CRPPA: variants seen among roughly 807,000 people sequenced by gnomAD.
CRPPA encodes the protein CDP-L-ribitol pyrophosphorylase A, also known as D-ribitol-5-phosphate cytidylyltransferase.
Under a neutral mutation model 52.0 loss-of-function variants are expected in CRPPA, and 43 were observed. The observed-to-expected ratio is 0.83, with a 90% CI of 0.65 to 1.07. The LOEUF (loss-of-function observed/expected upper bound fraction) is 1.07, where lower values mean the gene tolerates loss of function less well. CRPPA is among the 50% of genes least tolerant of loss of function. The pLI, the probability that CRPPA is intolerant of heterozygous loss-of-function variation, is 0.00. For synonymous variants in CRPPA, 250 were observed against 203.5 expected (o/e 1.23, Z -1.94); for missense variants, 629 against 551.7 (o/e 1.14, Z -1.40).
chr7:16,396,844 G>T (rs115875318), intron 2 of CRPPA, among the ~76,000 whole-genome samples: 3 of 152,218 alleles, frequency 2.0e-5, no homozygotes, highest in Non-Finnish European at 4.4e-5. Flanking sequence ...ATACGTATGT[G>T]ACACGTAATG....
In CRPPA at chr7:16,245,265, A is replaced by G. The variant is rs185725691; in HGVS notation, c.1119+13125T>C. On this transcript the variant is annotated intron_variant, in intron 8 of 9. Coordinates refer to ENST00000407010, the MANE Select transcript of CRPPA (RefSeq NM_001101426.4). The stretch of plus-strand genomic sequence containing the variant: ...GTAGTTTTCCCTCTTACTAATGAGC[A>G]AACTGTGATATATCTAGATTTAAGA... Among the ~76,000 whole-genome samples the G allele has an allele frequency of 4.6e-5, 7 of 152,360 alleles. No individual in the cohort carries two copies. The East Asian group carries it at 1.3e-3, about 29-fold the overall frequency.
chr7:16,286,379 C>A (rs1436249954), intron 5 of CRPPA, among the ~76,000 whole-genome samples: 2 of 151,802 alleles, frequency 1.3e-5, no homozygotes, highest in African/African-American at 4.8e-5. Flanking sequence ...TCCATAAGTT[C>A]ATGAGCCAAA....
intron 3 of CRPPA, among the ~76,000 whole-genome samples, chr7:16,366,447 A>G (rs1205951786): frequency 6.6e-6 from 1 of 152,222 alleles, no homozygotes; most frequent in East Asian, 1.9e-4. Context: ...AAAGCTACAG[A>G]AGATGTGGCT....
chr7:16,319,927 G>A (rs868014842), intron 3 of CRPPA, among the ~76,000 whole-genome samples: 4 of 152,098 alleles, frequency 2.6e-5, no homozygotes, highest in African/African-American at 4.8e-5. Context: ...CCTTCATTCC[G>A]TTCCAGAGGT....
chr7:16,231,909 C>T (rs531242555), intron 8 of CRPPA, among the ~76,000 whole-genome samples: 11 of 152,212 alleles, frequency 7.2e-5, no homozygotes, highest in African/African-American at 2.2e-4. Context: ...TCCTACTGCC[C>T]GCAAGAGAGT....
In CRPPA at chr7:16,376,179, T is replaced by G. The variant is rs1253464080; in HGVS notation, c.597A>C (p.Leu199Phe). Reference protein sequence around the residue: ...TVVSPSADGCLDYSLERARHR... With the variant: ...TVVSPSADGCFDYSLERARHR... ...GTCTGGCACGTTCTAGCGAGTAGTCTAAGCAACCATCAGCAGATGGACTGA... is the reference window on the plus strand; with the variant it reads ...GTCTGGCACGTTCTAGCGAGTAGTCGAAGCAACCATCAGCAGATGGACTGA... Residue 199 changes from leucine (L) to phenylalanine (F), a missense_variant, in exon 3 of 10, where the codon TTA (leucine) becomes TTC (phenylalanine). Physicochemically the swap from Leu to Phe is conservative, Grantham distance 22. Coordinates refer to ENST00000407010, the MANE Select transcript of CRPPA (RefSeq NM_001101426.4). The G allele has an allele frequency of 2.5e-6, 4 of 1,613,386 alleles. No homozygotes were observed. Among genetic ancestry groups the G allele is most frequent in the Non-Finnish European group, 3.4e-6 (4 of 1,179,602 alleles).
intron 8 of CRPPA, among the ~76,000 whole-genome samples, chr7:16,227,164 T>G (rs1782674076): frequency 6.6e-6 from 1 of 151,988 alleles, no homozygotes. Flanking sequence ...TGATTCCATA[T>G]CCTAGCTATT....
At chr7:16,356,053 G>GA (rs34122140) in intron 3 of CRPPA, among the ~76,000 whole-genome samples, 41 of 146,910 alleles carry the variant, frequency 2.8e-4, no homozygotes, top group Admixed American at 6.1e-4. Flanking sequence ...AGTGGAACTG[G>GA]AAAAAAAAAA....
At chr7:16,228,242 T>C (rs1018662518) in intron 8 of CRPPA, among the ~76,000 whole-genome samples, 2 of 151,842 alleles carry the variant, frequency 1.3e-5, no homozygotes, top group African/African-American at 2.4e-5. Context: ...TTTTCCAATT[T>C]TTTTAGCCCT....
chr7:16,276,605 G>A (rs1363630959), intron 6 of CRPPA: 1 of 152,166 alleles, frequency 6.6e-6, no homozygotes, highest in Non-Finnish European at 1.5e-5. Context: ...TCACATCGAA[G>A]AACTTGGGAA....
At chr7:16,261,604 T>TTG (rs1392000888) in intron 6 of CRPPA, among the ~76,000 whole-genome samples, 1 of 151,842 alleles carries the variant, frequency 6.6e-6, no homozygotes, top group Non-Finnish European at 1.5e-5. Flanking sequence ...AATTTTTTTT[T>TTG]TTAAGAAAAG....
At chr7:16,167,312 G>C (rs1443763436) in intron 9 of CRPPA, among the ~76,000 whole-genome samples, 1 of 152,186 alleles carries the variant, frequency 6.6e-6, no homozygotes, top group African/African-American at 2.4e-5. Flanking sequence ...TTTCCTACCT[G>C]TTTGGGTTGA....
intron 9 of CRPPA, among the ~76,000 whole-genome samples, chr7:16,206,270 C>T (rs1781971759): frequency 6.6e-6 from 1 of 152,000 alleles, no homozygotes; most frequent in Non-Finnish European, 1.5e-5. Context: ...TAAATACATA[C>T]CAGTAGGTAA....
intron 5 of CRPPA, among the ~76,000 whole-genome samples, chr7:16,284,959 G>A (rs1478566116): frequency 6.6e-6 from 1 of 152,022 alleles, no homozygotes; most frequent in African/African-American, 2.4e-5. Flanking sequence ...AGAGTTATTC[G>A]AGGATCCCCA....
chr7:16,143,696 A>G (rs1782917806), intron 9 of CRPPA, among the ~76,000 whole-genome samples: 2 of 152,214 alleles, frequency 1.3e-5, no homozygotes. Flanking sequence ...ACAACACATT[A>G]GCAATGGAAA....
At chr7:16,371,145 C>T (rs1186102237) in intron 3 of CRPPA, among the ~76,000 whole-genome samples, 1 of 152,132 alleles carries the variant, frequency 6.6e-6, no homozygotes, top group African/African-American at 2.4e-5. Flanking sequence ...CCCCAGCCAC[C>T]TTTATCAAGG....
At chr7:16,127,314 T>C (rs1028465391) in intron 9 of CRPPA, among the ~76,000 whole-genome samples, 5 of 152,100 alleles carry the variant, frequency 3.3e-5, no homozygotes, top group African/African-American at 9.7e-5. Context: ...GGTGTCACTA[T>C]TGAATGTATC....
chr7:16,239,755 T>A (rs140356731), intron 8 of CRPPA, among the ~76,000 whole-genome samples: 1 of 152,128 alleles, frequency 6.6e-6, no homozygotes, highest in Non-Finnish European at 1.5e-5. Flanking sequence ...TTTACTAGAA[T>A]AGCACTGGAA....
At chr7:16,214,879 T>C (rs2128397800) in intron 9 of CRPPA, among the ~76,000 whole-genome samples, 1 of 152,326 alleles carries the variant, frequency 6.6e-6, no homozygotes, top group South Asian at 2.1e-4. Context: ...CGGGCAAATA[T>C]ATGTAACTCC....
Sources: gnomAD v4.1 joint callset for allele counts (sites outside exome capture counted in the v4.1 genomes callset) on GRCh38, gnomAD v4.1.1 for gene constraint, MANE v1.5 for transcripts, NCBI Gene and HGNC (gene_info 2026-07-23, HGNC 2026-07-21) for gene names.